Variants in SLC25A48 observed in about 807,000 individuals in gnomAD.
The protein encoded by SLC25A48 is solute carrier family 25 member 48, also known as CTC-321K16.1.
Under a neutral mutation model 32.2 loss-of-function variants are expected in SLC25A48, and 29 were observed. The observed-to-expected ratio is 0.90, with a 90% confidence interval of 0.67 to 1.23. SLC25A48 has a LOEUF of 1.23. Among genes scored for constraint, SLC25A48 ranks in the 50% most tolerant of loss-of-function variants. The pLI is 0.00. For synonymous variants in SLC25A48, 164 were observed against 172.3 expected, an observed-to-expected ratio of 0.95 and a Z score of 0.38; for missense variants, 399 against 422.7, an observed-to-expected ratio of 0.94 and a Z score of 0.49.
chr5:135,665,730 A>G (rs1368874831), intron 3 of SLC25A48, among the ~76,000 whole-genome samples: 2 of 150,818 alleles, frequency 1.3e-5, no homozygotes, highest in Non-Finnish European at 2.9e-5. Context: ...ACTTTTTGAT[A>G]CTAAATTTTC....
chr5:135,661,354 C>A (rs1339846551), intron 3 of SLC25A48, among the ~76,000 whole-genome samples: 4 of 152,192 alleles, frequency 2.6e-5, no homozygotes, highest in African/African-American at 9.7e-5. Flanking sequence ...CTTATTACAT[C>A]AGTGACAGTA....
intron 1 of SLC25A48, among the ~76,000 whole-genome samples, chr5:135,582,417 G>C (rs1208016589): frequency 6.6e-6 from 1 of 152,104 alleles, no homozygotes. Flanking sequence ...GGTGCTAGGA[G>C]ACTCATCAGG....
At chr5:135,744,430 A>T (rs1372379658) in intron 3 of SLC25A48, among the ~76,000 whole-genome samples, 2 of 151,886 alleles carry the variant, frequency 1.3e-5, no homozygotes, top group Non-Finnish European at 2.9e-5. Flanking sequence ...AGCTCACTGC[A>T]ACCTCCACCT....
chr5:135,781,404 A>G (rs1337312799), intron 3 of SLC25A48, among the ~76,000 whole-genome samples: 1 of 117,208 alleles, frequency 8.5e-6, no homozygotes, highest in Non-Finnish European at 2.1e-5. Flanking sequence ...GTAGAGGATG[A>G]TATTACACCC....
chr5:135,880,019 G>A lies in SLC25A48; in HGVS notation c.865G>A (p.Ala289Thr). ...VNAVRGFPMS[A>T]AMFLGYELSL... Reference sequence around the variant, plus strand: ...CGCGGTGCGGGGCTTCCCCATGAGTGCGGCCATGTTCCTTGGGTACGAGCT... The same window carrying A: ...CGCGGTGCGGGGCTTCCCCATGAGTACGGCCATGTTCCTTGGGTACGAGCT... The change falls in exon 7 of 8, where the codon GCG becomes ACG. Residue 289 changes from alanine to threonine, a missense_variant. Coordinates refer to ENST00000681962, the MANE Select transcript of SLC25A48 (RefSeq NM_001349336.2). 6.5e-7 allele frequency: 1 copy of A among 1,536,364 alleles called. No individual in the cohort carries two copies. The highest frequency in any genetic ancestry group is 1.7e-4 in the Middle Eastern group (1 of 5,992).
intron 2 of SLC25A48, among the ~76,000 whole-genome samples, chr5:135,846,278 T>A (rs1326955054): frequency 6.6e-6 from 1 of 152,194 alleles, no homozygotes; most frequent in African/African-American, 2.4e-5. Flanking sequence ...CCAAAAATGT[T>A]GGGGATCACT....
At chr5:135,851,957 G>A (rs1377597299) in intron 3 of SLC25A48, among the ~76,000 whole-genome samples, 1 of 152,166 alleles carries the variant, frequency 6.6e-6, no homozygotes, top group Admixed American at 6.5e-5. Flanking sequence ...ATGCTCATGG[G>A]CACTCATCTA....
chr5:135,644,325 T>C (rs771519372), intron 3 of SLC25A48, among the ~76,000 whole-genome samples: 1 of 152,080 alleles, frequency 6.6e-6, no homozygotes, highest in Non-Finnish European at 1.5e-5. Flanking sequence ...ACAGGACAGC[T>C]AAAATTCTGG....
chr5:135,816,994 G>A (rs565691670), intron 4 of SLC25A48, among the ~76,000 whole-genome samples: 3 of 152,178 alleles, frequency 2.0e-5, no homozygotes, highest in East Asian at 3.9e-4. Flanking sequence ...AACTGCAGAG[G>A]ACCTAGAATA....
At chr5:135,776,440 A>G (rs1756563783) in intron 3 of SLC25A48, among the ~76,000 whole-genome samples, 1 of 151,866 alleles carries the variant, frequency 6.6e-6, no homozygotes, top group East Asian at 1.9e-4. Context: ...GCGGGAGAGG[A>G]TGACATTACT....
chr5:135,746,272 C>A, intron 3 of SLC25A48: 1 of 166,678 alleles, frequency 6.0e-6, no homozygotes, highest in South Asian at 1.4e-4. Context: ...TGGGGTAGCC[C>A]CCACTCCAGA....
At chr5:135,718,148 C>T (rs1386645688) in intron 3 of SLC25A48, among the ~76,000 whole-genome samples, 1 of 152,036 alleles carries the variant, frequency 6.6e-6, no homozygotes, top group Non-Finnish European at 1.5e-5. Flanking sequence ...GCTGGGACTA[C>T]AGGTGCGTAC....
intron 3 of SLC25A48, among the ~76,000 whole-genome samples, chr5:135,707,888 T>C (rs1357450468): frequency 4.0e-5 from 6 of 151,890 alleles, no homozygotes; most frequent in African/African-American, 1.5e-4. Context: ...TGGCATGGAG[T>C]AGGCTTTGAG....
At chr5:135,796,464 T>G (rs1422271286) in intron 3 of SLC25A48, among the ~76,000 whole-genome samples, 1 of 151,612 alleles carries the variant, frequency 6.6e-6, no homozygotes, top group African/African-American at 2.4e-5. Context: ...ACTCCCCATA[T>G]CCCAGGGAGT....
At chr5:135,746,891 G>C (rs1755654145) in intron 3 of SLC25A48, among the ~76,000 whole-genome samples, 2 of 151,814 alleles carry the variant, frequency 1.3e-5, no homozygotes, top group African/African-American at 4.8e-5. Flanking sequence ...TGATAATTTT[G>C]ACAGCTCCAG....
At chr5:135,623,402 G>T (rs945905968) in intron 1 of SLC25A48, among the ~76,000 whole-genome samples, 1 of 152,174 alleles carries the variant, frequency 6.6e-6, no homozygotes, top group Non-Finnish European at 1.5e-5. Flanking sequence ...AAGGCTCTTG[G>T]CCATTCCAAA....
At chr5:135,643,726 A>G (rs1752893643) in intron 3 of SLC25A48, among the ~76,000 whole-genome samples, 1 of 152,168 alleles carries the variant, frequency 6.6e-6, no homozygotes, top group Admixed American at 6.5e-5. Flanking sequence ...GGGAGCTCCC[A>G]GGTTAGTGAG....
intron 4 of SLC25A48, among the ~76,000 whole-genome samples, chr5:135,865,542 G>C (rs1159701868): frequency 6.6e-6 from 1 of 152,204 alleles, no homozygotes; most frequent in Non-Finnish European, 1.5e-5. Context: ...CCAGACTTTT[G>C]ATGAATGCCA....
chr5:135,874,775 A>G (rs2126814755), intron 6 of SLC25A48: 1 of 679,050 alleles, frequency 1.5e-6, no homozygotes, highest in African/African-American at 1.8e-5. Context: ...CTGCCCCAGG[A>G]TAGACCAGAC....
Sources: allele counts gnomAD v4.1 joint callset (sites outside exome capture counted in the v4.1 genomes callset), GRCh38; gene constraint gnomAD v4.1.1; transcripts MANE v1.5; gene names NCBI Gene and HGNC (gene_info 2026-07-23, HGNC 2026-07-21).